The following PRLR variants were observed in gnomAD, a reference collection of about 807,000 sequenced individuals.
PRLR encodes the protein hPRL receptor.
A neutral mutation model predicts 40.2 loss-of-function variants in PRLR; 13 were observed. The ratio of observed to expected loss-of-function variants is 0.32; its 90% confidence interval spans 0.21 to 0.51. PRLR has a LOEUF of 0.51. PRLR is among the 20% of genes least tolerant of loss of function. PRLR has a pLI of 0.97. For missense variants in PRLR, 656 were observed against 747.3 expected (o/e 0.88, Z 1.42); for synonymous variants, 269 against 278.7 (o/e 0.97, Z 0.35).
Position 35,089,554 on chromosome 5 carries a change from T to C in PRLR, c.67A>G (p.Asn23Asp), listed in dbSNP as rs770252140. ...AGCGTGATAGCCTCTTACTTACCAT[T>C]CAGAAGGCAGGTGTTGAGAAAAAGT... is the stretch of plus-strand genomic sequence containing the variant. ...LLLFLNTCLL[N>D]GQLPPGKPEI... is the part of the protein sequence containing the mutation. The change falls in exon 3 of 10, where the codon AAT (asparagine) becomes GAT (aspartate). Residue 23 changes from asparagine (N) to aspartate (D), a missense_variant. Physicochemically the swap from Asn to Asp is conservative, Grantham distance 23. Around this residue, in one of 3 missense-constraint regions of PRLR, gnomAD observed 180 missense variants for 236.8 expected, o/e 0.76. Coordinates refer to ENST00000618457, the MANE Select transcript of PRLR (RefSeq NM_000949.7). The C allele has an allele frequency of 6.2e-7, 1 of 1,607,822 alleles. No individual in the cohort carries two copies. The highest frequency in any genetic ancestry group is 8.5e-7 in the Non-Finnish European group (1 of 1,174,244).
chr5:35,075,716 T>A (rs1005321792), intron 5 of PRLR, among the ~76,000 whole-genome samples: 2 of 152,186 alleles, frequency 1.3e-5, no homozygotes, highest in Admixed American at 6.5e-5. Flanking sequence ...GAGTTTGAGA[T>A]CTGAGAACGG....
At chr5:35,220,928 T>A (rs1336336981) in intron 1 of PRLR, among the ~76,000 whole-genome samples, 1 of 152,238 alleles carries the variant, frequency 6.6e-6, no homozygotes, top group Non-Finnish European at 1.5e-5. Flanking sequence ...CAGACTTGGC[T>A]GGACCCTGGA....
chr5:35,215,541 G>C (rs962825949), intron 1 of PRLR, among the ~76,000 whole-genome samples: 2 of 152,122 alleles, frequency 1.3e-5, no homozygotes, highest in Non-Finnish European at 2.9e-5. Context: ...GTATGTTTTA[G>C]TAGCCTCATT....
At chr5:35,126,323 G>T (rs1773463306) in intron 1 of PRLR, among the ~76,000 whole-genome samples, 1 of 152,208 alleles carries the variant, frequency 6.6e-6, no homozygotes, top group African/African-American at 2.4e-5. Flanking sequence ...GAGCTGGGAA[G>T]ATTATAGCAT....
chr5:35,086,526 T>TTA, intron 3 of PRLR, among the ~76,000 whole-genome samples, 186 bp from the exon 4 acceptor site: 1 of 152,176 alleles, frequency 6.6e-6, no homozygotes, highest in South Asian at 2.1e-4. Flanking sequence ...TGGGCTGCCC[T>TTA]GATGTTGGCA....
At chr5:35,081,632 T>G (rs1334454207) in intron 5 of PRLR, 1 of 152,760 alleles carries the variant, frequency 6.5e-6, no homozygotes, top group African/African-American at 2.4e-5. Flanking sequence ...TACACTTGAT[T>G]TCTCTTTTTA....
intron 1 of PRLR, among the ~76,000 whole-genome samples, chr5:35,142,174 A>G (rs1053231614): frequency 5.3e-5 from 8 of 152,228 alleles, no homozygotes; most frequent in Non-Finnish European, 1.5e-5. Flanking sequence ...CTAGAAATAT[A>G]GATACCTTCC....
chr5:35,084,692 G>GTT, intron 4 of PRLR, 53 bp from the exon 5 acceptor site: 1 of 1,542,230 alleles, frequency 6.5e-7, no homozygotes, highest in Non-Finnish European at 8.8e-7. Flanking sequence ...AGAGAGTCTA[G>GTT]TTTTTTTCTT....
chr5:35,075,181 C>A (rs1398246047), intron 5 of PRLR, among the ~76,000 whole-genome samples: 1 of 152,162 alleles, frequency 6.6e-6, no homozygotes, highest in Non-Finnish European at 1.5e-5. Context: ...GTTCATCTCA[C>A]TGGGGCTTGT....
rs771865291 is a variant in PRLR at position 35,072,726 on chromosome 5, A to G, written c.392T>C (p.Leu131Ser). 2 of 1,614,132 alleles carry G rather than the reference A, an allele frequency of 1.2e-6. No individual in the cohort carries two copies. The highest frequency in any genetic ancestry group is 1.1e-5 in the South Asian group (1 of 91,062). ...VTYIVQPDPP[L>S]ELAVEVKQPE... ...CTGTTTTACTTCCACAGCCAGCTCCAAAGGAGGGTCTGGCTGAACTGCAGA... is the reference window on the plus strand; with the variant it reads ...CTGTTTTACTTCCACAGCCAGCTCCGAAGGAGGGTCTGGCTGAACTGCAGA... Residue 131 changes from leucine (L) to serine (S), a missense_variant, in exon 6 of 10, where the codon TTG (leucine) becomes TCG (serine). By Grantham distance (145) the Leu-to-Ser change is moderately radical. Coordinates refer to ENST00000618457, the MANE Select transcript of PRLR (RefSeq NM_000949.7).
rs1352251583 is a variant in PRLR at position 35,057,411 on chromosome 5, G to C, written c.*7678C>G. On this transcript the variant is annotated 3_prime_UTR_variant, in exon 10 of 10. Coordinates refer to ENST00000618457, the MANE Select transcript of PRLR (RefSeq NM_000949.7). ...AAAAAAATAGAGCAAGAGTAGGTAA[G>C]GGAATTAAACATTTATTAAGCCAGG... The C allele has an allele frequency of 6.6e-6, 1 of 152,132 alleles. No homozygotes were observed. Among genetic ancestry groups the C allele is most frequent in the African/African-American group, 2.4e-5 (1 of 41,446 alleles). 9.4% of individuals were successfully genotyped at this position (152,132 alleles called of 1,614,324 possible). A position where few individuals can be genotyped will look rare whatever the true frequency, so the allele number is the denominator to read the frequency against.
In PRLR at chr5:35,074,070, T is replaced by G. The variant is rs531987687; in HGVS notation, c.374-1326A>C. On this transcript the variant is annotated intron_variant, in intron 5 of 9. Coordinates refer to ENST00000618457, the MANE Select transcript of PRLR (RefSeq NM_000949.7). ...GATTCAAAAGAATTGAAAACAGATG[T>G]TTAAGAAAATCTTGTATGTGAATTT... Among the ~76,000 whole-genome samples, 8 of 152,290 alleles carry G rather than the reference T, an allele frequency of 5.3e-5. 1 individual carries two copies. The East Asian group carries it at 1.2e-3, about 22-fold the overall frequency.
At chr5:35,080,450 T>C (rs762755340) in intron 5 of PRLR, among the ~76,000 whole-genome samples, 4 of 152,212 alleles carry the variant, frequency 2.6e-5, no homozygotes, top group Non-Finnish European at 4.4e-5. Flanking sequence ...ATGCTCATCG[T>C]CACTGGCCAT....
chr5:35,071,321 C>T (rs1769733763), intron 6 of PRLR, among the ~76,000 whole-genome samples: 2 of 152,118 alleles, frequency 1.3e-5, no homozygotes, highest in African/African-American at 2.4e-5. Context: ...AAGGATATAA[C>T]GACCAGTTAC....
At chr5:35,220,402 C>G (rs1453409479) in intron 1 of PRLR, among the ~76,000 whole-genome samples, 5 of 152,144 alleles carry the variant, frequency 3.3e-5, no homozygotes, top group African/African-American at 1.2e-4. Context: ...TCTCGGCATG[C>G]TTTTCTTTTT....
chr5:35,124,353 G>T (rs1334004483), intron 1 of PRLR, among the ~76,000 whole-genome samples: 1 of 151,640 alleles, frequency 6.6e-6, no homozygotes, highest in Admixed American at 6.6e-5. Context: ...TCTGGTAGGA[G>T]GTGAGCTCCT....
At chr5:35,069,162 G>A (rs924521870) in intron 7 of PRLR, among the ~76,000 whole-genome samples, 10 of 152,054 alleles carry the variant, frequency 6.6e-5, no homozygotes, top group Admixed American at 2.6e-4. Context: ...TCACATGGTC[G>A]TTTGCAGTAA....
At chr5:35,106,357 A>G (rs917690797) in intron 2 of PRLR, among the ~76,000 whole-genome samples, 1 of 152,248 alleles carries the variant, frequency 6.6e-6, no homozygotes, top group Non-Finnish European at 1.5e-5. Flanking sequence ...TAATGACAGG[A>G]CCAAATTCAC....
chr5:35,074,504 C>CATATATATATATATATATATATATAT lies in PRLR; in HGVS notation c.374-1761_374-1760insATATATATATATATATATATATATAT, dbSNP rs3034214. On this transcript the variant is annotated intron_variant, in intron 5 of 9. Coordinates refer to ENST00000618457, the MANE Select transcript of PRLR (RefSeq NM_000949.7). ...AACAGCTACATATTTTTTATGATTC[C>CATATATATATATATATATATATATAT]ATATATATATATATATATATATGAA... Among the ~76,000 whole-genome samples, 99 of 132,492 alleles carry CATATATATATATATATATATATATAT rather than the reference C, an allele frequency of 7.5e-4. 1 individual carries two copies. The highest frequency in any genetic ancestry group is 3.0e-3 in the African/African-American group (90 of 30,104). The allele number at this position is 132,492 out of a possible 152,430, so 86.9% of individuals were successfully genotyped here.
Sources: gnomAD v4.1 joint callset for allele counts (sites outside exome capture counted in the v4.1 genomes callset) on GRCh38, gnomAD v4.1.1 for gene constraint, gnomAD v4.1.1 regional missense constraint, MANE v1.5 for transcripts, NCBI Gene and HGNC (gene_info 2026-07-23, HGNC 2026-07-21) for gene names.